Variants in CNTN3 observed in about 807,000 individuals in gnomAD.
CNTN3 encodes contactin 3.
In CNTN3, 60 loss-of-function variants were observed where a neutral mutation model predicts 119.1. The observed-to-expected ratio is 0.50, with a 90% CI of 0.41 to 0.62. CNTN3 has a LOEUF of 0.62. CNTN3 is among the 20% of genes least tolerant of loss of function. The pLI is 0.00. For synonymous variants in CNTN3, 450 were observed against 438.7 expected (o/e 1.03, Z -0.32); for missense variants, 1,101 against 1,242.4 (o/e 0.89, Z 1.71).
chr3:74,576,012 C>T (rs879388944), intron 1 of CNTN3, among the ~76,000 whole-genome samples: 1 of 152,066 alleles, frequency 6.6e-6, no homozygotes, highest in African/African-American at 2.4e-5. Context: ...CCCTAAGTCT[C>T]TTCAGAAGAG....
intron 1 of CNTN3, among the ~76,000 whole-genome samples, chr3:74,587,102 A>G (rs1026716954): frequency 6.6e-6 from 1 of 152,054 alleles, no homozygotes; most frequent in African/African-American, 2.4e-5. Flanking sequence ...TATGTATAGG[A>G]AAGTGACCTC....
intron 13 of CNTN3, among the ~76,000 whole-genome samples, chr3:74,320,740 G>C (rs1288372750): frequency 2.0e-5 from 3 of 151,974 alleles, no homozygotes; most frequent in Non-Finnish European, 4.4e-5. Context: ...CTCATGGTTA[G>C]AACTCATGGT....
intron 1 of CNTN3, among the ~76,000 whole-genome samples, chr3:74,565,864 T>C (rs2106640691): frequency 6.6e-6 from 1 of 152,264 alleles, no homozygotes; most frequent in Non-Finnish European, 1.5e-5. Context: ...GCTCCCACAA[T>C]TCCCACATGT....
At chr3:74,400,838 C>A (rs1275966659) in intron 5 of CNTN3, among the ~76,000 whole-genome samples, 1 of 152,016 alleles carries the variant, frequency 6.6e-6, no homozygotes, top group African/African-American at 2.4e-5. Flanking sequence ...TTGTAAGACT[C>A]CAGCAATAAC....
At chr3:74,399,494 T>C (rs1705137146) in intron 5 of CNTN3, among the ~76,000 whole-genome samples, 1 of 152,222 alleles carries the variant, frequency 6.6e-6, no homozygotes, top group Admixed American at 6.5e-5. Context: ...AATGGCTGCA[T>C]AGTATTCCAT....
rs1365928533 is a variant in CNTN3 at position 74,560,982 on chromosome 3, C to T, written c.-80-39790G>A. On this transcript the variant is annotated intron_variant, in intron 1 of 22. Transcript: ENST00000263665. ...ATAGGTGGGAATTGAACAATGAGAA[C>T]ACTTGGACACAGGGTGGGGAACATC... Among the ~76,000 whole-genome samples, 5 of 129,920 alleles carry T rather than the reference C, an allele frequency of 3.8e-5. No individual in the cohort carries two copies. In the East Asian group the frequency reaches 6.8e-4, roughly 18 times the overall value. 85.2% of individuals were successfully genotyped at this position (129,920 alleles called of 152,430 possible). A position where few individuals can be genotyped will look rare whatever the true frequency, so the allele number is the denominator to read the frequency against.
At chr3:74,549,168 C>A (rs1703954455) in intron 1 of CNTN3, among the ~76,000 whole-genome samples, 1 of 152,066 alleles carries the variant, frequency 6.6e-6, no homozygotes, top group Non-Finnish European at 1.5e-5. Flanking sequence ...TAGCCCCAAC[C>A]CCCTAGTGTT....
At chr3:74,319,287 A>G (rs1228424304) in intron 13 of CNTN3, among the ~76,000 whole-genome samples, 1 of 152,224 alleles carries the variant, frequency 6.6e-6, no homozygotes, top group African/African-American at 2.4e-5. Context: ...TACAGTAACC[A>G]AAACAGCATG....
chr3:74,276,570 A>G (rs577171349), intron 20 of CNTN3, among the ~76,000 whole-genome samples: 4 of 152,134 alleles, frequency 2.6e-5, no homozygotes, highest in Non-Finnish European at 5.9e-5. Flanking sequence ...TGGAAATTAA[A>G]GAATTATTCG....
intron 1 of CNTN3, among the ~76,000 whole-genome samples, chr3:74,536,949 CT>C (rs1299372467): frequency 2.0e-5 from 3 of 151,586 alleles, no homozygotes; most frequent in Non-Finnish European, 2.9e-5. Flanking sequence ...GGGACGGCTA[CT>C]TCTCCGTTTT....
chr3:74,329,792 T>C (rs546417680), intron 13 of CNTN3, among the ~76,000 whole-genome samples: 20 of 152,296 alleles, frequency 1.3e-4, no homozygotes, highest in African/African-American at 4.8e-4. Flanking sequence ...ATTGCTTAAA[T>C]ATAGGTATAA....
intron 19 of CNTN3, among the ~76,000 whole-genome samples, chr3:74,286,677 T>G (rs1575698633): frequency 6.6e-6 from 1 of 152,308 alleles, no homozygotes; most frequent in Non-Finnish European, 1.5e-5. Context: ...TTTCCAGAAC[T>G]GAAGAAACGC....
At chr3:74,290,443 T>C (rs72890596) in intron 19 of CNTN3, among the ~76,000 whole-genome samples, 4,112 of 152,324 alleles carry the variant, frequency 0.027, 179 homozygotes, top group African/African-American at 0.091. Context: ...TGCATGACTA[T>C]ATTAAAAAAT....
intron 5 of CNTN3, among the ~76,000 whole-genome samples, chr3:74,397,780 C>T (rs1241063355): frequency 6.6e-6 from 1 of 152,098 alleles, no homozygotes; most frequent in African/African-American, 2.4e-5. Flanking sequence ...CCATTAGAAA[C>T]ACTCATGATT....
intron 5 of CNTN3, among the ~76,000 whole-genome samples, chr3:74,415,244 G>A (rs1701501540): frequency 6.6e-6 from 1 of 152,162 alleles, no homozygotes; most frequent in South Asian, 2.1e-4. Flanking sequence ...GCGGAAGTGT[G>A]AAGCCATGCT....
chr3:74,465,879 T>A (rs937864775), intron 4 of CNTN3, among the ~76,000 whole-genome samples: 1 of 152,042 alleles, frequency 6.6e-6, no homozygotes, highest in African/African-American at 2.4e-5. Flanking sequence ...CTGGCTGACA[T>A]CCAGGAGGTG....
rs187568998 is a variant in CNTN3, at chr3:74,495,354, T to C, written c.182+4305A>G. On this transcript the variant is annotated intron_variant, in intron 3 of 22. Transcript: ENST00000263665. Reference sequence around the variant, plus strand: ...GACAAATTGCATATAATCAAAATTATGCTTAAAATGTCATATATATGCTAT... The same window carrying C: ...GACAAATTGCATATAATCAAAATTACGCTTAAAATGTCATATATATGCTAT... Among the ~76,000 whole-genome samples, 253 of 152,196 alleles carry C rather than the reference T, an allele frequency of 1.7e-3. 5 individuals carry two copies. Among genetic ancestry groups the C allele is most frequent in the Admixed American group, 0.016 (251 of 15,262 alleles).
At chr3:74,441,375 T>G (rs1701963535) in intron 4 of CNTN3, among the ~76,000 whole-genome samples, 1 of 152,192 alleles carries the variant, frequency 6.6e-6, no homozygotes, top group Non-Finnish European at 1.5e-5. Context: ...TTTGTTTCTC[T>G]GGCTAAGTAA....
chr3:74,472,988 T>C (rs888823467), intron 4 of CNTN3, among the ~76,000 whole-genome samples: 1 of 152,090 alleles, frequency 6.6e-6, no homozygotes, highest in African/African-American at 2.4e-5. Flanking sequence ...TTAAAACTGT[T>C]TGCATTTGTT....
Sources: gnomAD v4.1 joint callset for allele counts (sites outside exome capture counted in the v4.1 genomes callset) on GRCh38, gnomAD v4.1.1 for gene constraint, MANE v1.5 for transcripts, NCBI Gene and HGNC (gene_info 2026-07-23, HGNC 2026-07-21) for gene names.